The following VNN1 variants were observed in gnomAD, a reference collection of about 807,000 sequenced individuals.
VNN1 encodes the protein pantetheinase.
Under a neutral mutation model 41.9 loss-of-function variants are expected in VNN1, and 29 were observed. The observed-to-expected ratio is 0.69, with a 90% CI of 0.52 to 0.94. The LOEUF (loss-of-function observed/expected upper bound fraction) is 0.94. VNN1 is among the 40% of genes least tolerant of loss of function. VNN1 has a pLI of 0.00. For synonymous variants in VNN1, 233 were observed against 224.4 expected, an observed-to-expected ratio of 1.04 and a Z score of -0.34; for missense variants, 637 against 621.1, an observed-to-expected ratio of 1.03 and a Z score of -0.27.
At chr6:132,685,593 A>C (rs1315225771) in intron 5 of VNN1, among the ~76,000 whole-genome samples, 3 of 140,936 alleles carry the variant, frequency 2.1e-5, no homozygotes, top group South Asian at 2.5e-4. Flanking sequence ...AAAAAGTAGT[A>C]ATTGATTCAG....
intron 2 of VNN1, among the ~76,000 whole-genome samples, chr6:132,696,794 G>T (rs1046996479): frequency 6.7e-6 from 1 of 148,910 alleles, no homozygotes; most frequent in East Asian, 2.1e-4. Context: ...GAGGGGAGGG[G>T]AGAGGAGGGG....
At chr6:132,693,938 A>G (rs1450902681) in intron 3 of VNN1, 52 bp downstream of exon 3, 14 of 1,598,434 alleles carry the variant, frequency 8.8e-6, no homozygotes, top group Non-Finnish European at 1.2e-5. Flanking sequence ...CTCCTTGCCC[A>G]CTTTATTTCA....
chr6:132,713,715 T>G, intron 1 of VNN1, 111 bp downstream of exon 1: 1 of 1,204,602 alleles, frequency 8.3e-7, no homozygotes, highest in Non-Finnish European at 1.2e-6. Flanking sequence ...TTGGCTACTC[T>G]GATACATATA....
Position 132,694,123 on chromosome 6 carries a change from T to C in VNN1, c.401A>G (p.Tyr134Cys), listed in dbSNP as rs768247615. ...CTTGTCCCCAATATTTGCCACAACA[T>C]AGATAGAGTTGTTCTTGGCCAGGCA... The part of the protein sequence containing the change: ...LSCLAKNNSI[Y>C]VVANIGDKKP... Residue 134 changes from tyrosine (Y) to cysteine (C), a missense_variant, in exon 3 of 7, where the codon TAT (tyrosine) becomes TGT (cysteine). Tyr to Cys is a radical substitution (Grantham distance 194). Transcript: ENST00000367928. The C allele has an allele frequency of 1.2e-5, 20 of 1,614,032 alleles. No individual in the cohort carries two copies. The highest frequency in any genetic ancestry group is 4.4e-5 in the South Asian group (4 of 91,064).
In VNN1 at chr6:132,684,389, A is replaced by G. The variant is rs769164071; in HGVS notation, c.1305T>C (p.Tyr435=). 2 of 1,613,958 alleles carry G rather than the reference A, an allele frequency of 1.2e-6. No individual in the cohort carries two copies. Among genetic ancestry groups the G allele is most frequent in the African/African-American group, 2.7e-5 (2 of 74,922 alleles). ...CACTCAGCAACACCTCAGGAAAGAC[A>G]TACTGGGTTCCGAAAGTGCCACTGA... ...FSLSGTFGTQ[Y]VFPEVLLSEN... The change falls in exon 6 of 7, where the codon TAT becomes TAC. Residue 435 remains tyrosine (Y), a synonymous_variant. Transcript: ENST00000367928.
intron 1 of VNN1, among the ~76,000 whole-genome samples, chr6:132,713,456 G>C (rs1778631525): frequency 6.6e-6 from 1 of 152,144 alleles, no homozygotes; most frequent in South Asian, 2.1e-4. Context: ...AGCCTTAATA[G>C]CACATGAGTA....
chr6:132,705,195 A>G (rs1193045447), intron 2 of VNN1, among the ~76,000 whole-genome samples: 1 of 102,292 alleles, frequency 9.8e-6, no homozygotes, highest in East Asian at 4.7e-4. Flanking sequence ...ATTATACTAT[A>G]CCAAAACCAG....
Position 132,684,397 on chromosome 6 carries a change from TTCCGAAAG to T in VNN1, c.1289_1296del (p.Thr430AsnfsTer7), listed in dbSNP as rs1778176479. 6.2e-7 allele frequency: 1 copy of T among 1,613,908 alleles called. No individual in the cohort carries two copies. The highest frequency in any genetic ancestry group is 8.5e-7 in the Non-Finnish European group (1 of 1,179,950). ...AACACCTCAGGAAAGACATACTGGG[TTCCGAAAG>T]TGCCACTGAGGGAGAACATTTCAAA... On this transcript the variant is annotated frameshift_variant, in exon 6 of 7. Transcript: ENST00000367928. LOFTEE classifies it high-confidence loss of function.
At chr6:132,707,335 C>T (rs1055071140) in intron 2 of VNN1, among the ~76,000 whole-genome samples, 1 of 151,966 alleles carries the variant, frequency 6.6e-6, no homozygotes, top group Non-Finnish European at 1.5e-5. Context: ...CCCTCATACA[C>T]TGTTAGTGGG....
chr6:132,692,930 T>C (rs1326822160), intron 4 of VNN1, 94 bp downstream of exon 4: 11 of 1,345,750 alleles, frequency 8.2e-6, no homozygotes, highest in Non-Finnish European at 1.1e-5. Context: ...GAAAACATTG[T>C]ATTAAGGAGT....
chr6:132,688,060 A>AT (rs1562214122), intron 5 of VNN1, among the ~76,000 whole-genome samples: 1 of 152,008 alleles, frequency 6.6e-6, no homozygotes, highest in African/African-American at 2.4e-5. Flanking sequence ...GATAATCGAG[A>AT]TTTTTCAAGC....
intron 6 of VNN1, 56 bp from the exon 7 acceptor site, chr6:132,683,378 A>G: frequency 6.6e-7 from 1 of 1,519,914 alleles, no homozygotes; most frequent in South Asian, 1.2e-5. Flanking sequence ...AATCCCATAA[A>G]TCACTTTTAA....
chr6:132,699,150 G>T, intron 2 of VNN1: 1 of 360,570 alleles, frequency 2.8e-6, no homozygotes. Flanking sequence ...TTCCAAATAG[G>T]TGAATATAGG....
intron 5 of VNN1, among the ~76,000 whole-genome samples, chr6:132,688,014 T>C (rs1778231025): frequency 6.6e-6 from 1 of 152,198 alleles, no homozygotes; most frequent in Admixed American, 6.5e-5. Context: ...TACCTCTCTT[T>C]GTGTCTCTTC....
chr6:132,682,134 C>T lies in VNN1; in HGVS notation c.*1006G>A, dbSNP rs147750769. On this transcript the variant is annotated 3_prime_UTR_variant, in exon 7 of 7. Coordinates refer to ENST00000367928, the MANE Select transcript of VNN1 (RefSeq NM_004666.3). ...ATATCTAATTTCTTAAAATGGGACT[C>T]TCTGGTTTTCTAATTCCAGAGGAAT... 1.3e-5 allele frequency: 2 copies of T among 152,306 alleles called. No homozygotes were observed. Among genetic ancestry groups the T allele is most frequent in the East Asian group, 1.9e-4 (1 of 5,188 alleles). 9.4% of individuals were successfully genotyped at this position (152,306 alleles called of 1,614,324 possible). A position where few individuals can be genotyped will look rare whatever the true frequency, so the allele number is the denominator to read the frequency against.
chr6:132,692,940 T>A, intron 4 of VNN1, 84 bp downstream of exon 4: 1 of 1,401,306 alleles, frequency 7.1e-7, no homozygotes, highest in Non-Finnish European at 9.5e-7. Context: ...TATTAAGGAG[T>A]ATGCGTTAGC....
chr6:132,687,199 C>T (rs1778221830), intron 5 of VNN1, among the ~76,000 whole-genome samples: 1 of 152,120 alleles, frequency 6.6e-6, no homozygotes, highest in South Asian at 2.1e-4. Context: ...TCAGAATTCT[C>T]AATAGCAACG....
intron 2 of VNN1, among the ~76,000 whole-genome samples, chr6:132,696,789 G>A (rs1443069361): frequency 6.7e-6 from 1 of 150,148 alleles, no homozygotes; most frequent in Non-Finnish European, 1.5e-5. Flanking sequence ...GAAGGGAGGG[G>A]AGGGGAGAGG....
At chr6:132,694,256 T>C (rs1057257636) in intron 2 of VNN1, 74 bp from the exon 3 acceptor site, 28 of 1,388,728 alleles carry the variant, frequency 2.0e-5, no homozygotes, top group Admixed American at 8.1e-5. Flanking sequence ...TGAATGATAG[T>C]TGCCTAAACC....
Sources: allele counts gnomAD v4.1 joint callset (sites outside exome capture counted in the v4.1 genomes callset), GRCh38; gene constraint gnomAD v4.1.1; transcripts MANE v1.5; gene names NCBI Gene and HGNC (gene_info 2026-07-23, HGNC 2026-07-21).